The following CCDC141 variants were observed in gnomAD, a reference collection of about 807,000 sequenced individuals.
CCDC141 encodes the protein coiled-coil domain-containing protein 141.
In CCDC141, 168 loss-of-function variants were observed where a neutral mutation model predicts 181.0. The observed-to-expected ratio is 0.93, with a 90% CI of 0.82 to 1.05. CCDC141 has a LOEUF of 1.05. CCDC141 is among the 50% of genes least tolerant of loss of function. CCDC141 has a pLI of 0.00. For missense variants in CCDC141, 1,902 were observed against 1,788.5 expected (o/e 1.06, Z -1.14); for synonymous variants, 666 against 642.3 (o/e 1.04, Z -0.56).
rs182869762 is a variant in CCDC141, at chr2:178,833,482, T to C, written c.*691A>G. The C allele has an allele frequency of 7.9e-5, 12 of 152,358 alleles. No homozygotes were observed. The highest frequency in any genetic ancestry group is 2.4e-4 in the African/African-American group (10 of 41,566). 9.4% of individuals were successfully genotyped at this position (152,358 alleles called of 1,614,324 possible). On this transcript the variant is annotated 3_prime_UTR_variant, in exon 24 of 24. Coordinates refer to ENST00000443758, the MANE Select transcript of CCDC141 (RefSeq NM_173648.4). ...CATCAATAGAATGTCAGGAATAACG[T>C]TGGTTCTTTCTTGCAACCTGTGTTC... is the stretch of plus-strand genomic sequence containing the variant.
chr2:178,941,864 GT>G (rs1374939553), intron 6 of CCDC141, among the ~76,000 whole-genome samples: 1 of 149,952 alleles, frequency 6.7e-6, no homozygotes, highest in East Asian at 2.0e-4. Flanking sequence ...GGAGGCTGAG[GT>G]GGGAGAATCG....
chr2:178,828,788 G>C (rs1249810363), downstream of CCDC141, among the ~76,000 whole-genome samples: 1 of 152,126 alleles, frequency 6.6e-6, no homozygotes, highest in Non-Finnish European at 1.5e-5. Context: ...ATGCGTTGGA[G>C]ACAATTTGCC....
At chr2:178,868,514 T>C (rs1426795233) in intron 15 of CCDC141, among the ~76,000 whole-genome samples, 1 of 151,050 alleles carries the variant, frequency 6.6e-6, no homozygotes, top group Non-Finnish European at 1.5e-5. Flanking sequence ...TAACGAATAT[T>C]CCTCCATCTT....
In CCDC141 at chr2:178,886,783, T is replaced by C. The variant is rs1424888411; in HGVS notation, c.1496A>G (p.Asn499Ser). Residue 499 changes from asparagine (N) to serine (S), a missense_variant, in exon 10 of 24, where the codon AAT becomes AGT. Asn to Ser is a conservative substitution (Grantham distance 46, BLOSUM62 1). Coordinates refer to ENST00000443758, the MANE Select transcript of CCDC141 (RefSeq NM_173648.4). ...STRSESEKIL[N>S]KYLELDIQAK... Reference sequence around the variant, plus strand: ...TTGGATATCTAGTTCCAGATATTTATTCAAAATCTTCTCTGATTCAGAACG... The same window carrying C: ...TTGGATATCTAGTTCCAGATATTTACTCAAAATCTTCTCTGATTCAGAACG... 6 of 1,466,462 alleles carry C rather than the reference T, an allele frequency of 4.1e-6. No homozygotes were observed. In the South Asian group the frequency reaches 6.6e-5, roughly 16 times the overall value. The allele number at this position is 1,466,462 out of a possible 1,614,324, so 90.8% of individuals were successfully genotyped here. A position where few individuals can be genotyped will look rare whatever the true frequency, so the allele number is the denominator to read the frequency against.
Position 179,049,910 on chromosome 2 carries a change from A to G in CCDC141, c.32T>C (p.Leu11Pro). Residue 11 changes from leucine to proline, a missense_variant, in exon 1 of 24, where the codon CTT becomes CCT. Leu to Pro is a moderately conservative substitution (Grantham distance 98). Coordinates refer to ENST00000443758, the MANE Select transcript of CCDC141 (RefSeq NM_173648.4). MSSQGSPSVA[L>P]STTTVSSVAV... ...AACTGAACTGACTGTCGTCGTAGAA[A>G]GCGCAACACTAGGACTTCCTTGGCT... 6.4e-7 allele frequency: 1 copy of G among 1,550,738 alleles called. No individual in the cohort carries two copies. The highest frequency in any genetic ancestry group is 8.7e-7 in the Non-Finnish European group (1 of 1,146,964).
chr2:178,930,148 G>C (rs759467792), intron 6 of CCDC141, among the ~76,000 whole-genome samples: 1 of 151,952 alleles, frequency 6.6e-6, no homozygotes, highest in Non-Finnish European at 1.5e-5. Context: ...AAAATCACTT[G>C]TGTTTCTATA....
Position 178,978,504 on chromosome 2 carries a change from A to C in CCDC141, c.397T>G (p.Phe133Val), listed in dbSNP as rs866529716. Residue 133 changes from phenylalanine (F) to valine (V), a missense_variant, in exon 3 of 24, where the codon TTT (phenylalanine) becomes GTT (valine). Transcript: ENST00000443758. ...RTELLRLTSE[F>V]FENALEFAIK... is the part of the protein sequence containing the mutation. ...CAAACCTCTAAGGCATTTTCAAAAA[A>C]TTCAGAAGTCAACCTAAGGAGCTCT... 2 of 1,504,008 alleles carry C rather than the reference A, an allele frequency of 1.3e-6. No individual in the cohort carries two copies. Among genetic ancestry groups the C allele is most frequent in the East Asian group, 5.1e-5 (2 of 39,066 alleles). 93.2% of individuals were successfully genotyped at this position (1,504,008 alleles called of 1,614,324 possible).
At chr2:178,936,211 G>C (rs1169283212) in intron 6 of CCDC141, among the ~76,000 whole-genome samples, 1 of 152,046 alleles carries the variant, frequency 6.6e-6, no homozygotes, top group Non-Finnish European at 1.5e-5. Context: ...TTGTCTTCCA[G>C]GGTTTTTATA....
At chr2:178,962,294 C>T (rs1483795319) in intron 4 of CCDC141, among the ~76,000 whole-genome samples, 1 of 152,148 alleles carries the variant, frequency 6.6e-6, no homozygotes, top group Non-Finnish European at 1.5e-5. Context: ...TGAGGAGCAT[C>T]TACACTTGGG....
intron 2 of CCDC141, among the ~76,000 whole-genome samples, chr2:179,021,930 G>C (rs1021075142): frequency 1.4e-4 from 21 of 152,070 alleles, no homozygotes; most frequent in African/African-American, 5.1e-4. Flanking sequence ...TTTTGCATAG[G>C]CCTAATAAAA....
chr2:178,869,152 A>G lies in CCDC141; in HGVS notation c.2359T>C (p.Tyr787His). The G allele has an allele frequency of 1.2e-6, 2 of 1,611,698 alleles. No homozygotes were observed. Among genetic ancestry groups the G allele is most frequent in the Non-Finnish European group, 1.7e-6 (2 of 1,179,180 alleles). Residue 787 changes from tyrosine (Y) to histidine (H), a missense_variant, in exon 15 of 24, where the codon TAC becomes CAC. Tyr to His is a moderately conservative substitution (Grantham distance 83, BLOSUM62 2). Transcript: ENST00000443758. ...ACTTGATGGAACTGGACCACCTTGTACAGGATATCCTCGTAATCCTGGATT... is the reference window on the plus strand; with the variant it reads ...ACTTGATGGAACTGGACCACCTTGTGCAGGATATCCTCGTAATCCTGGATT... Reference protein sequence around the residue: ...ERIQDYEDILYKVVQFHQVKE... With the variant: ...ERIQDYEDILHKVVQFHQVKE...
At position 178,907,450 on chromosome 2, in the gene CCDC141, G is replaced by A. The variant is rs532227441; in HGVS notation, c.1093-1949C>T. On this transcript the variant is annotated intron_variant, in intron 7 of 23. Transcript: ENST00000443758. ...CTTAAGAAGGAAGGGCTATGTCAGA[G>A]AAAGTTGTAATCTTGGGCGGAAAAG... Among the ~76,000 whole-genome samples the A allele has an allele frequency of 5.9e-5, 9 of 152,362 alleles. No individual in the cohort carries two copies. The East Asian group carries it at 1.7e-3, about 29-fold the overall frequency.
chr2:179,018,504 C>A (rs546013554), intron 2 of CCDC141, among the ~76,000 whole-genome samples: 1 of 152,226 alleles, frequency 6.6e-6, no homozygotes, highest in East Asian at 1.9e-4. Flanking sequence ...TCACAAATTT[C>A]TTTTAGCTTT....
At chr2:178,835,095 C>A (rs1684425372) in intron 23 of CCDC141, among the ~76,000 whole-genome samples, 1 of 152,060 alleles carries the variant, frequency 6.6e-6, no homozygotes, top group South Asian at 2.1e-4. Context: ...TGAAATGGCA[C>A]CCTCATGTTG....
chr2:178,990,248 G>C (rs965695575), intron 2 of CCDC141, among the ~76,000 whole-genome samples: 19 of 126,658 alleles, frequency 1.5e-4, no homozygotes, highest in Non-Finnish European at 2.9e-4. Context: ...AAATGGTACA[G>C]CTGCTTTAAA....
the CCDC141 span, among the ~76,000 whole-genome samples, chr2:178,821,217 T>C: frequency 6.6e-6 from 1 of 152,180 alleles, no homozygotes; most frequent in South Asian, 2.1e-4. Flanking sequence ...GTATACCAAG[T>C]TTTTAGTGAA....
chr2:178,837,490 G>C lies in CCDC141; in HGVS notation c.3729C>G (p.Ser1243Arg). Residue 1243 changes from serine (S) to arginine (R), a missense_variant, in exon 23 of 24, where the codon AGC (serine) becomes AGG (arginine). Transcript: ENST00000443758. ...GCACCCCATAGCTGCTTATGTGAAG[G>C]CTGAGGGAGGAGCTGACAGGCTCTT... ...EVEEPVSSSL[S>R]LHISSYGVQA... is the part of the protein sequence containing the mutation. 6.2e-7 allele frequency: 1 copy of C among 1,614,072 alleles called. No homozygotes were observed. Among genetic ancestry groups the C allele is most frequent in the South Asian group, 1.1e-5 (1 of 91,078 alleles).
At chr2:178,901,101 A>G (rs1483658847) in intron 8 of CCDC141, among the ~76,000 whole-genome samples, 1 of 152,074 alleles carries the variant, frequency 6.6e-6, no homozygotes, top group Non-Finnish European at 1.5e-5. Flanking sequence ...GGAAGGAGTA[A>G]CCCATAAACA....
chr2:179,023,177 T>C lies in CCDC141; in HGVS notation c.225+24107A>G, dbSNP rs148506210. Among the ~76,000 whole-genome samples the C allele has an allele frequency of 3.3e-4, 50 of 152,324 alleles. No individual in the cohort carries two copies. In the East Asian group the frequency reaches 9.6e-3, roughly 29 times the overall value. On this transcript the variant is annotated intron_variant, in intron 2 of 23. Transcript: ENST00000443758. The stretch of plus-strand genomic sequence containing the variant: ...GTTTCTTCAATTGTAAAATGGAGAT[T>C]AAAAATAATAAGAGGTAATCATTCA...
Sources: gnomAD v4.1 joint callset for allele counts (sites outside exome capture counted in the v4.1 genomes callset) on GRCh38, gnomAD v4.1.1 for gene constraint, MANE v1.5 for transcripts, NCBI Gene and HGNC (gene_info 2026-07-23, HGNC 2026-07-21) for gene names.